The following PPT1 variants were observed in gnomAD, a reference collection of about 807,000 sequenced individuals.
The protein encoded by PPT1 is palmitoyl-protein thioesterase 1, also known as ceroid-palmitoyl-palmitoyl-protein thioesterase 1.
A neutral mutation model predicts 44.0 loss-of-function variants in PPT1; 24 were observed. That is an observed-to-expected ratio of 0.54 (90% CI 0.39 to 0.77). The LOEUF (loss-of-function observed/expected upper bound fraction) is 0.77. Among genes scored for constraint, PPT1 ranks in the 30% least tolerant of loss-of-function variants. PPT1 has a pLI of 0.00. For synonymous variants in PPT1, 148 were observed against 140.2 expected, an observed-to-expected ratio of 1.06 and a Z score of -0.39; for missense variants, 341 against 378.8, an observed-to-expected ratio of 0.90 and a Z score of 0.83.
At chr1:40,080,351 C>A (rs375800479) in intron 6 of PPT1, 46 bp downstream of exon 6, 2 of 1,560,538 alleles carry the variant, frequency 1.3e-6, no homozygotes, top group Non-Finnish European at 8.8e-7. Flanking sequence ...AAGACCTAAA[C>A]AGGAAAAAGA....
intron 5 of PPT1, 57 bp from the exon 6 acceptor site, chr1:40,080,544 G>T: frequency 1.3e-6 from 2 of 1,535,324 alleles, no homozygotes; most frequent in South Asian, 1.1e-5. Context: ...GTACGCCCAG[G>T]GCATGCTCAG....
rs1648288929 is a variant in PPT1 at position 40,072,752 on chromosome 1, T to C, written c.*1309A>G. Reference sequence around the variant, plus strand: ...TATTTTAGACAACCTCATAAAATTATTTTCACATCCCCCCCAACTTCTTGC... The same window carrying C: ...TATTTTAGACAACCTCATAAAATTACTTTCACATCCCCCCCAACTTCTTGC... On this transcript the variant is annotated 3_prime_UTR_variant, in exon 9 of 9. Transcript: ENST00000642050. The C allele has an allele frequency of 6.6e-6, 1 of 152,356 alleles. No individual in the cohort carries two copies. The highest frequency in any genetic ancestry group is 1.5e-5 in the Non-Finnish European group (1 of 68,042). 9.4% of individuals were successfully genotyped at this position (152,356 alleles called of 1,614,324 possible).
intron 8 of PPT1, among the ~76,000 whole-genome samples, chr1:40,074,446 CCTCT>C (rs552038903): frequency 7.2e-5 from 8 of 111,280 alleles, no homozygotes; most frequent in Non-Finnish European, 1.2e-4. Context: ...TCTTCTTCTT[CCTCT>C]CTCTCTCTCT....
chr1:40,076,298 C>G (rs1332586451), intron 8 of PPT1, among the ~76,000 whole-genome samples: 1 of 152,076 alleles, frequency 6.6e-6, no homozygotes, highest in Non-Finnish European at 1.5e-5. Flanking sequence ...AACTCCATCT[C>G]TCCTAAAAAT....
intron 5 of PPT1, 108 bp downstream of exon 5, chr1:40,089,302 A>G (rs2124484079): frequency 4.2e-6 from 3 of 711,264 alleles, no homozygotes; most frequent in East Asian, 6.0e-5. Flanking sequence ...AAAAGATCTC[A>G]TTTGAATATC....
At chr1:40,085,258 C>G (rs1241925996) in intron 5 of PPT1, among the ~76,000 whole-genome samples, 2 of 152,170 alleles carry the variant, frequency 1.3e-5, no homozygotes, top group African/African-American at 4.8e-5. Flanking sequence ...CCTAAGCTGT[C>G]TTTCTCTCTC....
chr1:40,078,136 G>A (rs1407207061), intron 7 of PPT1, among the ~76,000 whole-genome samples: 1 of 152,094 alleles, frequency 6.6e-6, no homozygotes, highest in Non-Finnish European at 1.5e-5. Flanking sequence ...ACAAAAGTTG[G>A]TGGAAGGGAC....
rs903952570 is a variant in PPT1, at chr1:40,077,665, T to C, written c.727-752A>G. ...GTGTGACATAACGTGATGAGTGTTT[T>C]AACAGAGGCTGATGATTCTAAAAAA... On this transcript the variant is annotated intron_variant, in intron 7 of 8. Coordinates refer to ENST00000642050, the MANE Select transcript of PPT1 (RefSeq NM_000310.4). 4.6e-5 allele frequency among the ~76,000 whole-genome samples: 7 copies of C among 152,220 alleles called. No individual in the cohort carries two copies. In the East Asian group the frequency reaches 1.3e-3, roughly 29 times the overall value.
intron 8 of PPT1, 59 bp from the exon 9 acceptor site, chr1:40,074,242 G>A: frequency 3.1e-6 from 5 of 1,596,128 alleles, no homozygotes; most frequent in Admixed American, 1.7e-5. Flanking sequence ...GAGTAAAATG[G>A]TAAGTACGTT....
intron 8 of PPT1, among the ~76,000 whole-genome samples, chr1:40,076,119 C>T (rs1212064594): frequency 6.6e-6 from 1 of 152,030 alleles, no homozygotes; most frequent in African/African-American, 2.4e-5. Context: ...AGGAGCCTCC[C>T]TTGTCAGTGC....
At chr1:40,094,513 C>A (rs1299369235) in intron 1 of PPT1, among the ~76,000 whole-genome samples, 1 of 152,290 alleles carries the variant, frequency 6.6e-6, no homozygotes, top group Admixed American at 6.5e-5. Context: ...AGGAGGCACT[C>A]ATTCTCAGGT....
downstream of PPT1, chr1:40,071,714 G>C (rs1200083266): frequency 1.7e-6 from 1 of 575,236 alleles, no homozygotes; most frequent in Non-Finnish European, 3.1e-6. Flanking sequence ...TGGGATAGCA[G>C]GTCAGTTGAT....
At chr1:40,091,605 T>C (rs1194839464) in intron 3 of PPT1, among the ~76,000 whole-genome samples, 1 of 152,170 alleles carries the variant, frequency 6.6e-6, no homozygotes, top group Non-Finnish European at 1.5e-5. Flanking sequence ...GGCTCACACC[T>C]GTAATCTCAG....
chr1:40,093,629 G>C (rs911168061), intron 1 of PPT1, among the ~76,000 whole-genome samples: 2 of 152,106 alleles, frequency 1.3e-5, no homozygotes, highest in Non-Finnish European at 2.9e-5. Flanking sequence ...GCTCACGTCT[G>C]TAATCCCAGC....
At chr1:40,088,711 C>A (rs1187303065) in intron 5 of PPT1, among the ~76,000 whole-genome samples, 1 of 152,084 alleles carries the variant, frequency 6.6e-6, no homozygotes, top group Non-Finnish European at 1.5e-5. Flanking sequence ...GCCAGGCTGG[C>A]CATGCTAAAT....
At position 40,080,381 on chromosome 1, in the gene PPT1, C is replaced by T. The variant is rs745468692; in HGVS notation, c.627+16G>A. The T allele has an allele frequency of 1.4e-5, 22 of 1,610,260 alleles. 1 individual carries two copies. In the East Asian group the frequency reaches 2.0e-4, roughly 15 times the overall value. On this transcript the variant is annotated intron_variant, in intron 6 of 8. Transcript: ENST00000642050. ...AAAAGAACGCACATCTATGGGAGCC[C>T]GGTTTGGGTGCTTACCCGCTCCTGA...
intron 1 of PPT1, among the ~76,000 whole-genome samples, chr1:40,096,307 C>T (rs1475845140): frequency 6.6e-6 from 1 of 152,198 alleles, no homozygotes; most frequent in Non-Finnish European, 1.5e-5. Flanking sequence ...GCTTCTCCTA[C>T]TGGAGAGTAG....
chr1:40,086,286 G>A (rs562385857), intron 5 of PPT1, among the ~76,000 whole-genome samples: 1 of 152,270 alleles, frequency 6.6e-6, no homozygotes, highest in South Asian at 2.1e-4. Context: ...AGAAGGCTAG[G>A]AAGGGCTGAC....
chr1:40,088,744 A>G (rs951484849), intron 5 of PPT1, among the ~76,000 whole-genome samples: 8 of 152,312 alleles, frequency 5.3e-5, no homozygotes, highest in African/African-American at 1.9e-4. Flanking sequence ...TTGAGTAGTC[A>G]GGGACAGTGA....
Sources: gnomAD v4.1 joint callset for allele counts (sites outside exome capture counted in the v4.1 genomes callset) on GRCh38, gnomAD v4.1.1 for gene constraint, MANE v1.5 for transcripts, NCBI Gene and HGNC (gene_info 2026-07-23, HGNC 2026-07-21) for gene names.